KIAA1958: variants seen among roughly 807,000 people sequenced by gnomAD.
KIAA1958 encodes the protein uncharacterized protein KIAA1958.
KIAA1958 carries 14 observed loss-of-function variants against 47.2 expected under a neutral mutation model. That is an observed-to-expected ratio of 0.30 (90% confidence interval 0.20 to 0.46). KIAA1958 has a LOEUF of 0.46. Among genes scored for constraint, KIAA1958 ranks in the 20% least tolerant of loss-of-function variants. KIAA1958 has a pLI of 1.00. For synonymous variants in KIAA1958, 354 were observed against 353.3 expected (o/e 1.00, Z -0.02); for missense variants, 803 against 909.2 (o/e 0.88, Z 1.50).
rs1274899638 is a variant in KIAA1958 at position 112,660,164 on chromosome 9, G to A, written c.*95G>A. The A allele has an allele frequency of 1.9e-6, 2 of 1,080,078 alleles. No individual in the cohort carries two copies. The highest frequency in any genetic ancestry group is 1.6e-5 in the African/African-American group (1 of 64,166). 66.9% of individuals were successfully genotyped at this position (1,080,078 alleles called of 1,614,324 possible). A position where few individuals can be genotyped will look rare whatever the true frequency, so the allele number is the denominator to read the frequency against. On this transcript the variant is annotated 3_prime_UTR_variant, in exon 4 of 4. Transcript: ENST00000337530. ...CCTTGGAGGCAGGGGCTGACCAGGT[G>A]TGACCTCCCGGTCTGGCGGCTCTCC...
intron 2 of KIAA1958, among the ~76,000 whole-genome samples, chr9:112,644,582 C>CAGCTAAGTGTTGTG (rs61601010): frequency 6.6e-6 from 1 of 151,810 alleles, no homozygotes; most frequent in Non-Finnish European, 1.5e-5. Context: ...TAAGAAAAGC[C>CAGCTAAGTGTTGTG]AGCTAGTTAT....
chr9:112,493,067 T>G, intron 1 of KIAA1958, among the ~76,000 whole-genome samples: 1 of 152,062 alleles, frequency 6.6e-6, no homozygotes, highest in South Asian at 2.1e-4. Context: ...TCTTAATAGT[T>G]GTTTTGGAAT....
intron 1 of KIAA1958, among the ~76,000 whole-genome samples, chr9:112,489,092 C>T (rs187924527): frequency 1.3e-5 from 2 of 152,290 alleles, no homozygotes; most frequent in East Asian, 3.9e-4. Flanking sequence ...CCTTGACTAG[C>T]GTTCCTTGTC....
At chr9:112,651,238 A>G (rs1837050515) in intron 3 of KIAA1958, among the ~76,000 whole-genome samples, 1 of 152,168 alleles carries the variant, frequency 6.6e-6, no homozygotes, top group African/African-American at 2.4e-5. Flanking sequence ...GCCATGGAAT[A>G]TTCACCAAAC....
intron 2 of KIAA1958, among the ~76,000 whole-genome samples, chr9:112,580,370 G>T (rs562112263): frequency 6.6e-6 from 1 of 152,074 alleles, no homozygotes; most frequent in Non-Finnish European, 1.5e-5. Context: ...TGTTCTAAGT[G>T]TGGAAATATG....
At chr9:112,553,068 C>T in intron 1 of KIAA1958, among the ~76,000 whole-genome samples, 1 of 151,674 alleles carries the variant, frequency 6.6e-6, no homozygotes, top group South Asian at 2.1e-4. Flanking sequence ...CCTCTGCCCT[C>T]CCCTCCACAC....
At chr9:112,642,014 G>A (rs550730513) in intron 2 of KIAA1958, among the ~76,000 whole-genome samples, 11 of 152,234 alleles carry the variant, frequency 7.2e-5, no homozygotes, top group East Asian at 1.9e-4. Context: ...TTCTGCTTGC[G>A]TAGCTTGGTG....
At chr9:112,634,301 T>C (rs989246699) in intron 2 of KIAA1958, among the ~76,000 whole-genome samples, 18 of 152,330 alleles carry the variant, frequency 1.2e-4, no homozygotes, top group Admixed American at 1.0e-3. Flanking sequence ...CAATCTCGGC[T>C]CCCTGCAACC....
chr9:112,592,440 T>C (rs1256960297), intron 2 of KIAA1958, among the ~76,000 whole-genome samples: 1 of 152,196 alleles, frequency 6.6e-6, no homozygotes, highest in Non-Finnish European at 1.5e-5. Context: ...CTTCTACCCA[T>C]GTCACTTTGG....
At chr9:112,525,257 G>A (rs1209247553) in intron 1 of KIAA1958, among the ~76,000 whole-genome samples, 2 of 152,178 alleles carry the variant, frequency 1.3e-5, no homozygotes, top group Admixed American at 1.3e-4. Flanking sequence ...GTTCTGTGTA[G>A]GGATTAATGA....
chr9:112,633,609 C>T (rs1328874122), intron 2 of KIAA1958, among the ~76,000 whole-genome samples: 1 of 152,076 alleles, frequency 6.6e-6, no homozygotes, highest in Non-Finnish European at 1.5e-5. Context: ...TTACCCGAAC[C>T]CTAGGAGCTT....
intron 3 of KIAA1958, among the ~76,000 whole-genome samples, chr9:112,647,886 T>C (rs1168110316): frequency 6.6e-6 from 1 of 152,222 alleles, no homozygotes; most frequent in Non-Finnish European, 1.5e-5. Flanking sequence ...TAGGCAGAGA[T>C]CACAGTTTAG....
chr9:112,561,653 G>T (rs1332395872), intron 1 of KIAA1958, among the ~76,000 whole-genome samples: 1 of 152,100 alleles, frequency 6.6e-6, no homozygotes, highest in African/African-American at 2.4e-5. Flanking sequence ...TCAGGAATTT[G>T]AGACCAGCCT....
chr9:112,634,335 T>A (rs931682881), intron 2 of KIAA1958, among the ~76,000 whole-genome samples: 6 of 152,156 alleles, frequency 3.9e-5, no homozygotes, highest in African/African-American at 1.4e-4. Flanking sequence ...TTCAAGCGAT[T>A]CTCCTGCCTC....
chr9:112,666,466 T>G lies in KIAA1958; in HGVS notation c.*6397T>G, dbSNP rs190294094. 13 of 152,248 alleles carry G rather than the reference T, an allele frequency of 8.5e-5. No individual in the cohort carries two copies. Among genetic ancestry groups the G allele is most frequent in the Admixed American group, 3.9e-4 (6 of 15,276 alleles). The allele number at this position is 152,248 out of a possible 1,614,324, so 9.4% of individuals were successfully genotyped here. On this transcript the variant is annotated 3_prime_UTR_variant, in exon 4 of 4. Transcript: ENST00000337530. Reference sequence around the variant, plus strand: ...CAGGACTAGAGAGTTAGTCCAGAACTCTCTCCTCCATATCACAGCTGAGAA... The same window carrying G: ...CAGGACTAGAGAGTTAGTCCAGAACGCTCTCCTCCATATCACAGCTGAGAA...
chr9:112,542,514 G>C (rs947125835), intron 1 of KIAA1958, among the ~76,000 whole-genome samples: 1 of 152,012 alleles, frequency 6.6e-6, no homozygotes, highest in African/African-American at 2.4e-5. Flanking sequence ...ACAACTCTTT[G>C]CATTTTACAA....
intron 2 of KIAA1958, among the ~76,000 whole-genome samples, chr9:112,614,165 T>C (rs2131213028): frequency 6.6e-6 from 1 of 151,774 alleles, no homozygotes; most frequent in East Asian, 1.9e-4. Context: ...CACAAAAGAG[T>C]TTACGTTCTA....
chr9:112,575,289 G>A (rs754870349), intron 2 of KIAA1958, 38 bp downstream of exon 2: 45 of 1,396,312 alleles, frequency 3.2e-5, no homozygotes, highest in African/African-American at 1.3e-4. Flanking sequence ...CCTCATCCAC[G>A]CACGCCAGAA....
rs191003177 is a variant in KIAA1958 at position 112,662,514 on chromosome 9, G to A, written c.*2445G>A. 6.6e-6 allele frequency: 1 copy of A among 152,310 alleles called. No homozygotes were observed. Among genetic ancestry groups the A allele is most frequent in the Admixed American group, 6.5e-5 (1 of 15,286 alleles). The allele number at this position is 152,310 out of a possible 1,614,324, so 9.4% of individuals were successfully genotyped here. On this transcript the variant is annotated 3_prime_UTR_variant, in exon 4 of 4. Transcript: ENST00000337530. ...GGTAAGCCTGCTAAAATGGCAAAGC[G>A]GCCTGGCGCGTGGCTCACGCCTATA...
Sources: allele counts gnomAD v4.1 joint callset (sites outside exome capture counted in the v4.1 genomes callset), GRCh38; gene constraint gnomAD v4.1.1; transcripts MANE v1.5; gene names NCBI Gene and HGNC (gene_info 2026-07-23, HGNC 2026-07-21).